The following CAAP1 variants were observed in gnomAD, a reference collection of about 807,000 sequenced individuals.
CAAP1 encodes the protein caspase activity and apoptosis inhibitor 1, also known as conserved anti-apoptotic protein.
A neutral mutation model predicts 34.0 loss-of-function variants in CAAP1; 20 were observed. The observed-to-expected ratio is 0.59, with a 90% confidence interval of 0.41 to 0.86. CAAP1 has a LOEUF of 0.86. Among genes scored for constraint, CAAP1 ranks in the 40% least tolerant of loss-of-function variants. The pLI is 0.00. For missense variants in CAAP1, 538 were observed against 450.5 expected, an observed-to-expected ratio of 1.19 and a Z score of -1.76; for synonymous variants, 213 against 166.7, an observed-to-expected ratio of 1.28 and a Z score of -2.14.
intron 4 of CAAP1, among the ~76,000 whole-genome samples, chr9:26,867,213 T>C (rs57626814): frequency 0.01 from 1,552 of 152,256 alleles, 27 homozygotes; most frequent in African/African-American, 0.036. Flanking sequence ...CCAAAAAGCT[T>C]GGGGATCGCT....
At chr9:26,853,213 G>C (rs748119204) in intron 5 of CAAP1, among the ~76,000 whole-genome samples, 5 of 152,016 alleles carry the variant, frequency 3.3e-5, no homozygotes, top group Non-Finnish European at 7.4e-5. Context: ...TGAAGGAAAG[G>C]ACTAAGGAAT....
At chr9:26,880,966 G>A (rs919012675) in intron 4 of CAAP1, among the ~76,000 whole-genome samples, 9 of 152,114 alleles carry the variant, frequency 5.9e-5, no homozygotes, top group Non-Finnish European at 1.2e-4. Flanking sequence ...ATAAGCAAGT[G>A]TGCCAAGCCC....
At chr9:26,844,479 C>A (rs570218242) in intron 5 of CAAP1, among the ~76,000 whole-genome samples, 26 of 152,248 alleles carry the variant, frequency 1.7e-4, no homozygotes, top group South Asian at 4.2e-4. Flanking sequence ...AAACTACAGG[C>A]TGTATAAAAT....
rs1323724743 is a variant in CAAP1 at position 26,884,890 on chromosome 9, T to C, written c.590-5A>G. 1.0e-5 allele frequency: 16 copies of C among 1,594,464 alleles called. No homozygotes were observed. The East Asian group carries it at 2.5e-4, about 25-fold the overall frequency. On this transcript the variant is annotated splice_polypyrimidine_tract_variant and splice_region_variant and intron_variant, in intron 3 of 5. Transcript: ENST00000333916. The stretch of plus-strand genomic sequence containing the variant: ...CAGAGTCCATTCCATTGTCACCTTA[T>C]AAATGAAAGAAACTATTGAAAGCAC...
intron 4 of CAAP1, among the ~76,000 whole-genome samples, chr9:26,862,484 C>T (rs1823025090): frequency 6.6e-6 from 1 of 151,558 alleles, no homozygotes; most frequent in Non-Finnish European, 1.5e-5. Flanking sequence ...ATGTAATACT[C>T]TAAGGAAGAC....
At position 26,842,346 on chromosome 9, in the gene CAAP1, C is replaced by T. The variant is rs769128296; in HGVS notation, c.1041G>A (p.Ala347=). The change falls in exon 6 of 6, where the codon GCG becomes GCA. Residue 347 remains alanine, a synonymous_variant. Transcript: ENST00000333916. ...CACCAGCTTTCATTAGGGCTTTAAT[C>T]GCTCTTGCCCTCATCTCAAGTTCTA... ...ELLELEMRAR[A]IKALMKAGDI... is the part of the protein sequence containing the mutation. 15 of 1,603,252 alleles carry T rather than the reference C, an allele frequency of 9.4e-6. No homozygotes were observed. The highest frequency in any genetic ancestry group is 1.7e-4 in the Middle Eastern group (1 of 6,000).
chr9:26,851,074 G>A (rs1381618727), intron 5 of CAAP1, among the ~76,000 whole-genome samples: 1 of 152,138 alleles, frequency 6.6e-6, no homozygotes, highest in Non-Finnish European at 1.5e-5. Flanking sequence ...TTTTACACAT[G>A]TCATGATGGT....
chr9:26,846,776 C>A (rs1168790701), intron 5 of CAAP1, among the ~76,000 whole-genome samples: 1 of 152,116 alleles, frequency 6.6e-6, no homozygotes, highest in Non-Finnish European at 1.5e-5. Flanking sequence ...CAACCTCCAC[C>A]TCCCAGGTTC....
Sources: gnomAD v4.1 joint callset for allele counts (sites outside exome capture counted in the v4.1 genomes callset) on GRCh38, gnomAD v4.1.1 for gene constraint, MANE v1.5 for transcripts, NCBI Gene and HGNC (gene_info 2026-07-23, HGNC 2026-07-21) for gene names.